MAST4: variants seen among roughly 807,000 people sequenced by gnomAD.
The protein encoded by MAST4 is microtubule associated serine/threonine kinase family member 4.
In MAST4, 89 loss-of-function variants were observed where a neutral mutation model predicts 162.7. That is an observed-to-expected ratio of 0.55 (90% CI 0.46 to 0.65). MAST4 has a LOEUF of 0.65. Ranked by LOEUF, MAST4 falls within the 30% of genes least tolerant of loss-of-function variation. The pLI is 0.00. For synonymous variants in MAST4, 1,479 were observed against 1,361.1 expected (o/e 1.09, Z -1.91); for missense variants, 3,153 against 3,374.0 (o/e 0.93, Z 1.62).
At chr5:66,820,507 C>A (rs1173090133) in intron 3 of MAST4, among the ~76,000 whole-genome samples, 1 of 152,164 alleles carries the variant, frequency 6.6e-6, no homozygotes, top group Admixed American at 6.5e-5. Flanking sequence ...GTTAGCTGTG[C>A]ATCATTTAGA....
At chr5:67,157,670 G>GGTTT (rs1487421538) in intron 26 of MAST4, among the ~76,000 whole-genome samples, 3 of 152,178 alleles carry the variant, frequency 2.0e-5, no homozygotes, top group African/African-American at 7.2e-5. Flanking sequence ...CAGGGAGCGG[G>GGTTT]GTTTGGTAGG....
chr5:67,163,888 AAG>A lies in MAST4; in HGVS notation c.4719_4720del (p.Lys1574GlufsTer14). The A allele has an allele frequency of 6.2e-7, 1 of 1,614,016 alleles. No individual in the cohort carries two copies. The highest frequency in any genetic ancestry group is 1.1e-5 in the South Asian group (1 of 91,076). The stretch of plus-strand genomic sequence containing the variant: ...GAAAACTTTGCTCTGTTTAAGCTGG[AAG>A]AGAGAGAGAAGAAAGTCTATCCGAA... On this transcript the variant is annotated frameshift_variant, in exon 29 of 29. Transcript: ENST00000403625. LOFTEE classifies it low-confidence loss of function (END_TRUNC). This position sits in a 1 kb window ranked among gnomAD's most constrained non-coding sequence, Gnocchi z 7.0.
rs780849887 is a variant in MAST4, at chr5:67,167,009, G to T, written c.7830G>T (p.Gly2610=). 1.9e-6 allele frequency: 3 copies of T among 1,606,754 alleles called. No homozygotes were observed. Among genetic ancestry groups the T allele is most frequent in the Non-Finnish European group, 2.5e-6 (3 of 1,176,772 alleles). The change falls in exon 29 of 29, where the codon GGG becomes GGT. Residue 2610 remains glycine, a synonymous_variant. Transcript: ENST00000403625. ...ACTTTGTGGTACGGCAGAGGCGGGG[G>T]AAAGAGAGTTTGCGTAGCAGCCCTC... is the stretch of plus-strand genomic sequence containing the variant. ...EKDFVVRQRR[G]KESLRSSPHK... is the part of the protein sequence containing the mutation.
intron 3 of MAST4, chr5:66,789,743 C>G (rs1489564971): frequency 1.9e-6 from 1 of 518,826 alleles, no homozygotes; most frequent in Non-Finnish European, 3.8e-6. Flanking sequence ...TTACCACTTT[C>G]TCTCCCACAA....
In MAST4 at chr5:66,695,563, C is replaced by T. The variant is rs566708104; in HGVS notation, c.364-64146C>T. Among the ~76,000 whole-genome samples, 164 of 151,976 alleles carry T rather than the reference C, an allele frequency of 1.1e-3. 1 individual carries two copies. The highest frequency in any genetic ancestry group is 6.8e-3 in the Middle Eastern group (2 of 294). Reference sequence around the variant, plus strand: ...TTCTAATTATGTGAAGAATGTCAATCGTAGTTTAATGTGAATAGCATTGAA... The same window carrying T: ...TTCTAATTATGTGAAGAATGTCAATTGTAGTTTAATGTGAATAGCATTGAA... On this transcript the variant is annotated intron_variant, in intron 1 of 28. Transcript: ENST00000403625.
In MAST4 at chr5:66,719,702, C is replaced by A. The variant is rs886177513; in HGVS notation, c.364-40007C>A. On this transcript the variant is annotated intron_variant, in intron 1 of 28. Coordinates refer to ENST00000403625, the MANE Select transcript of MAST4 (RefSeq NM_001164664.2). ...TGCATTAGGTATTTGTCCTAATGCT[C>A]TCCCTCCCCTTGTTCCCCACCCCCT... 1.1e-4 allele frequency among the ~76,000 whole-genome samples: 16 copies of A among 152,110 alleles called. No individual in the cohort carries two copies. The East Asian group carries it at 2.7e-3, about 26-fold the overall frequency.
chr5:67,138,532 C>G (rs1769964616), intron 19 of MAST4, among the ~76,000 whole-genome samples: 1 of 151,846 alleles, frequency 6.6e-6, no homozygotes, highest in Non-Finnish European at 1.5e-5. Context: ...CTCCCAGGTT[C>G]AAGCGATTCT....
intron 1 of MAST4, among the ~76,000 whole-genome samples, chr5:66,599,511 A>T (rs867339712): frequency 1.1e-4 from 17 of 152,204 alleles, no homozygotes; most frequent in African/African-American, 4.1e-4. Flanking sequence ...CATTTTACAC[A>T]TGCTATCTAA....
intron 4 of MAST4, among the ~76,000 whole-genome samples, chr5:66,935,957 C>T (rs1029587785): frequency 6.6e-6 from 1 of 152,102 alleles, no homozygotes; most frequent in African/African-American, 2.4e-5. Context: ...CATGAGCCAT[C>T]GCACTCGGCG....
intron 1 of MAST4, among the ~76,000 whole-genome samples, chr5:66,608,520 C>T (rs1375754047): frequency 6.6e-6 from 1 of 151,792 alleles, no homozygotes; most frequent in Non-Finnish European, 1.5e-5. Flanking sequence ...TGCTTTAATT[C>T]TTTTACACTT....
intron 4 of MAST4, among the ~76,000 whole-genome samples, chr5:67,026,359 G>A (rs1044264039): frequency 6.6e-6 from 1 of 152,200 alleles, no homozygotes; most frequent in Non-Finnish European, 1.5e-5. Context: ...GTTTCTAATG[G>A]AGAGGAGCAT....
At chr5:66,653,636 C>T (rs1746367502) in intron 1 of MAST4, among the ~76,000 whole-genome samples, 1 of 152,164 alleles carries the variant, frequency 6.6e-6, no homozygotes, top group African/African-American at 2.4e-5. Context: ...CAGGGTGATT[C>T]ACATCTCCTC....
At chr5:66,897,749 C>T (rs575350127) in intron 3 of MAST4, among the ~76,000 whole-genome samples, 1 of 152,226 alleles carries the variant, frequency 6.6e-6, no homozygotes, top group Non-Finnish European at 1.5e-5. Flanking sequence ...CGTGGAGCAG[C>T]AGTGCTGGGT....
In MAST4 at chr5:67,054,435, G is replaced by A. The variant is rs1180233841; in HGVS notation, c.706G>A (p.Gly236Ser). 6.2e-7 allele frequency: 1 copy of A among 1,608,936 alleles called. No individual in the cohort carries two copies. The change falls in exon 5 of 29, where the codon GGC becomes AGC. Residue 236 changes from glycine (G) to serine (S), a missense_variant. By Grantham distance (56) the Gly-to-Ser change is moderately conservative (BLOSUM62 0). Transcript: ENST00000403625. The part of the protein sequence containing the change: ...CRTSNRKSLI[G>S]NGQSPALPRP... ...AACAAGCAACCGGAAAAGCTTAATA[G>A]GCAATGGGCAGTCACCAGCATTGCC... is the stretch of plus-strand genomic sequence containing the variant.
chr5:66,766,662 A>G (rs1194970245), intron 2 of MAST4, among the ~76,000 whole-genome samples: 1 of 152,176 alleles, frequency 6.6e-6, no homozygotes, highest in Non-Finnish European at 1.5e-5. Flanking sequence ...TTAGTGGGCA[A>G]GCCTGAAATA....
In MAST4 at chr5:66,654,427, G is replaced by C. The variant is rs145496051; in HGVS notation, c.363+57409G>C. 1.6e-3 allele frequency among the ~76,000 whole-genome samples: 242 copies of C among 152,314 alleles called. 1 individual carries two copies. Among genetic ancestry groups the C allele is most frequent in the African/African-American group, 5.6e-3 (234 of 41,576 alleles). On this transcript the variant is annotated intron_variant, in intron 1 of 28. Transcript: ENST00000403625. ...TCATAAAAGGTCTGGGAGCCCAGAG[G>C]TAGAGATGGAGTGGTCAAAGAGACT...
At chr5:66,809,701 G>A (rs1756384115) in intron 3 of MAST4, among the ~76,000 whole-genome samples, 1 of 151,864 alleles carries the variant, frequency 6.6e-6, no homozygotes, top group African/African-American at 2.4e-5. Flanking sequence ...TTTGTTTCTT[G>A]TTCCAGAAAA....
chr5:66,987,967 C>T (rs192221297), intron 4 of MAST4, among the ~76,000 whole-genome samples: 13 of 152,234 alleles, frequency 8.5e-5, no homozygotes, highest in East Asian at 5.8e-4. Flanking sequence ...ATAATTATGA[C>T]GCTGTGCAAA....
chr5:66,697,150 T>A lies in MAST4; in HGVS notation c.364-62559T>A, dbSNP rs4599497. ...TCACTTCAAGGAAAACAACTGTACTTGTTGCCAGTGATTTTAAGTCTTCAA... is the reference window on the plus strand; with the variant it reads ...TCACTTCAAGGAAAACAACTGTACTAGTTGCCAGTGATTTTAAGTCTTCAA... On this transcript the variant is annotated intron_variant, in intron 1 of 28. Transcript: ENST00000403625. Among the ~76,000 whole-genome samples, 1,452 of 152,324 alleles carry A rather than the reference T, an allele frequency of 9.5e-3. 22 individuals carry two copies. The highest frequency in any genetic ancestry group is 0.033 in the African/African-American group (1,388 of 41,582).
Sources: allele counts gnomAD v4.1 joint callset (sites outside exome capture counted in the v4.1 genomes callset), GRCh38; gene constraint gnomAD v4.1.1; non-coding constraint Gnocchi (gnomAD v3.1); transcripts MANE v1.5; gene names NCBI Gene and HGNC (gene_info 2026-07-23, HGNC 2026-07-21).